Variants in CNKSR2 observed in about 807,000 individuals in gnomAD.
CNKSR2 encodes the protein CNK homolog protein 2.
A neutral mutation model predicts 84.4 loss-of-function variants in CNKSR2; 14 were observed. The ratio of observed to expected loss-of-function variants is 0.17; its 90% CI spans 0.11 to 0.26. The LOEUF (loss-of-function observed/expected upper bound fraction) is 0.26. CNKSR2 is among the 10% of genes least tolerant of loss of function. CNKSR2 has a pLI of 1.00. For synonymous variants in CNKSR2, 275 were observed against 277.9 expected, an observed-to-expected ratio of 0.99 and a Z score of 0.10; for missense variants, 485 against 771.2, an observed-to-expected ratio of 0.63 and a Z score of 4.40.
intron 1 of CNKSR2, 52 bp downstream of exon 1, chrX:21,375,013 T>A: frequency 9.4e-7 from 1 of 1,059,688 alleles, no homozygotes; most frequent in Non-Finnish European, 1.3e-6. Context: ...GGGGCACCAG[T>A]GCGAGGTTAG....
intron 9 of CNKSR2, 66 bp downstream of exon 9, chrX:21,516,697 T>C (rs1411925026): frequency 1.3e-5 from 13 of 1,001,181 alleles, no homozygotes; most frequent in Non-Finnish European, 1.8e-5. Context: ...GTAATGCTTC[T>C]TTATTGTGCC....
chrX:21,597,924 A>C (rs773405276), intron 17 of CNKSR2, among the ~76,000 whole-genome samples: 1 of 108,916 alleles, frequency 9.2e-6, no homozygotes, highest in Non-Finnish European at 1.9e-5. Context: ...AAAAAAAACA[A>C]ATGTAATGCT....
chrX:21,390,462 C>T (rs1484410477), intron 1 of CNKSR2, among the ~76,000 whole-genome samples: 3 of 110,821 alleles, frequency 2.7e-5, no homozygotes, highest in East Asian at 5.7e-4. Flanking sequence ...GAAGCAGGCA[C>T]GTCTTACATG....
At chrX:21,432,865 G>C (rs769496043) in intron 3 of CNKSR2, 51 bp downstream of exon 3, 9 of 1,132,856 alleles carry the variant, frequency 7.9e-6, no homozygotes, top group Non-Finnish European at 1.1e-5. Context: ...ACACCAGTTT[G>C]AATATAACAT....
intron 11 of CNKSR2, 59 bp from the exon 12 acceptor site, chrX:21,561,412 G>A: frequency 2.2e-6 from 2 of 911,431 alleles, no homozygotes; most frequent in South Asian, 2.0e-5. Context: ...ATCAGTGTAA[G>A]TTTGAGCAGA....
chrX:21,473,745 G>GTTTTTTTTTTTTTTGTTTT (rs2091226567), intron 5 of CNKSR2, among the ~76,000 whole-genome samples: 3 of 67,231 alleles, frequency 4.5e-5, no homozygotes, highest in African/African-American at 3.1e-4. Context: ...TGTTGGTTTG[G>GTTTTTTTTTTTTTTGTTTT]TTTTTTTTTT....
Position 21,426,772 on chromosome X carries a change from T to C in CNKSR2, c.228+112T>C, listed in dbSNP as rs6528020. On this transcript the variant is annotated intron_variant, in intron 2 of 21. Transcript: ENST00000379510. ...CGAAATGCAAATAGAAGAAAAAAAC[T>C]CTGATTCTCAACCAGCTGGACCTGA... is the stretch of plus-strand genomic sequence containing the variant. The C allele has an allele frequency of 0.044, 37,410 of 855,852 alleles. 7,289 individuals carry two copies. In the African/African-American group the frequency reaches 0.62, roughly 14 times the overall value. 70.5% of individuals were successfully genotyped at this position (855,852 alleles called of 1,213,427 possible).
rs2090905864 is a variant in CNKSR2 at position 21,449,961 on chromosome X, A to G, written c.519+9180A>G. On this transcript the variant is annotated intron_variant, in intron 4 of 21. Transcript: ENST00000379510. ...ATAATACAGTCTGCCACAGCAATCAATCTATGAAGAATTCCAGTATAACAT... is the reference window on the plus strand; with the variant it reads ...ATAATACAGTCTGCCACAGCAATCAGTCTATGAAGAATTCCAGTATAACAT... Among the ~76,000 whole-genome samples, 3 of 112,024 alleles carry G rather than the reference A, an allele frequency of 2.7e-5. No homozygotes were observed. In the South Asian group the frequency reaches 1.1e-3, roughly 42 times the overall value.
chrX:21,638,760 C>A (rs1238619819), intron 20 of CNKSR2, among the ~76,000 whole-genome samples: 1 of 112,042 alleles, frequency 8.9e-6, no homozygotes, highest in Non-Finnish European at 1.9e-5. Flanking sequence ...ATTTTAACAG[C>A]AGCAGTAGGG....
intron 4 of CNKSR2, among the ~76,000 whole-genome samples, chrX:21,463,685 GTCCTTCCCC>G (rs1197675947): frequency 9.0e-6 from 1 of 111,148 alleles, no homozygotes; most frequent in African/African-American, 3.3e-5. Flanking sequence ...CCTGGACTGG[GTCCTTCCCC>G]TTAAGGCAAC....
chrX:21,525,836 CAT>C (rs943738773), intron 9 of CNKSR2, among the ~76,000 whole-genome samples: 1 of 111,015 alleles, frequency 9.0e-6, no homozygotes, highest in African/African-American at 3.3e-5. Flanking sequence ...AACATCTTGT[CAT>C]GTGAAGATAC....
chrX:21,434,102 A>C (rs2090673003), intron 3 of CNKSR2, among the ~76,000 whole-genome samples: 1 of 110,942 alleles, frequency 9.0e-6, no homozygotes, highest in African/African-American at 3.3e-5. Flanking sequence ...CTTTACAGTA[A>C]TCAGAAGGCT....
chrX:21,570,990 T>A lies in CNKSR2; in HGVS notation c.1608+7538T>A, dbSNP rs191241655. Among the ~76,000 whole-genome samples the A allele has an allele frequency of 2.7e-3, 309 of 112,573 alleles. 1 individual carries two copies. The highest frequency in any genetic ancestry group is 9.2e-3 in the Middle Eastern group (2 of 218). On this transcript the variant is annotated intron_variant, in intron 13 of 21. Coordinates refer to ENST00000379510, the MANE Select transcript of CNKSR2 (RefSeq NM_014927.5). ...AAGGGAATGTTGTGGCTGGTTTTGA[T>A]CTTCTATCCAGACCACTTAAACTTT...
chrX:21,444,664 C>T (rs1374328416), intron 4 of CNKSR2, among the ~76,000 whole-genome samples: 2 of 109,514 alleles, frequency 1.8e-5, no homozygotes, highest in African/African-American at 6.6e-5. Flanking sequence ...CTAAACTCAG[C>T]TAGTTTCTCG....
At chrX:21,616,523 G>A (rs1172063746) in intron 20 of CNKSR2, among the ~76,000 whole-genome samples, 1 of 111,851 alleles carries the variant, frequency 8.9e-6, no homozygotes, top group African/African-American at 3.2e-5. Flanking sequence ...AGGACTACAT[G>A]TGTTCAGCAT....
At chrX:21,642,323 T>G (rs1437715051) in intron 20 of CNKSR2, 66 of 750,633 alleles carry the variant, frequency 8.8e-5, no homozygotes, top group Non-Finnish European at 9.9e-5. Context: ...TTCTTGGCAC[T>G]TGTATACAAG....
At chrX:21,469,014 A>G (rs2091163934) in intron 4 of CNKSR2, among the ~76,000 whole-genome samples, 1 of 112,328 alleles carries the variant, frequency 8.9e-6, no homozygotes, top group Admixed American at 9.4e-5. Context: ...GGATCACATT[A>G]GGAATGTGCT....
At chrX:21,580,355 T>G (rs1047054443) in intron 13 of CNKSR2, among the ~76,000 whole-genome samples, 5 of 111,638 alleles carry the variant, frequency 4.5e-5, no homozygotes, top group Non-Finnish European at 9.4e-5. Flanking sequence ...AGTAGTTGTG[T>G]TGGAGAGCTT....
intron 13 of CNKSR2, among the ~76,000 whole-genome samples, chrX:21,573,767 T>A (rs2092300482): frequency 9.0e-6 from 1 of 111,413 alleles, no homozygotes; most frequent in African/African-American, 3.3e-5. Flanking sequence ...TCCCAGCTTG[T>A]GACATGAGGG....
Sources: allele counts gnomAD v4.1 joint callset (sites outside exome capture counted in the v4.1 genomes callset), GRCh38; gene constraint gnomAD v4.1.1; transcripts MANE v1.5; gene names NCBI Gene and HGNC (gene_info 2026-07-23, HGNC 2026-07-21).